PDPR: variants seen among roughly 807,000 people sequenced by gnomAD.
PDPR encodes the protein pyruvate dehydrogenase phosphatase regulatory subunit, mitochondrial.
PDPR carries 50 observed loss-of-function variants against 102.2 expected under a neutral mutation model. That is an observed-to-expected ratio of 0.49 (90% CI 0.39 to 0.62). The LOEUF (loss-of-function observed/expected upper bound fraction) is 0.62, where lower values mean the gene tolerates loss of function less well. Ranked by LOEUF, PDPR falls within the 20% of genes least tolerant of loss-of-function variation. The pLI, the probability that PDPR is intolerant of heterozygous loss-of-function variation, is 0.00. For missense variants in PDPR, 625 were observed against 1,098.2 expected, an observed-to-expected ratio of 0.57 and a Z score of 6.09; for synonymous variants, 259 against 406.0, an observed-to-expected ratio of 0.64 and a Z score of 4.35.
chr16:70,130,265 GCGACAA>G (rs1964403763), intron 6 of PDPR, among the ~76,000 whole-genome samples, 152 bp from the exon 7 acceptor site: 1 of 152,262 alleles, frequency 6.6e-6, no homozygotes, highest in African/African-American at 2.4e-5. Context: ...TCCACCCTTG[GCGACAA>G]AGCAAGACTC....
chr16:70,128,552 C>G (rs1238672540), intron 4 of PDPR, among the ~76,000 whole-genome samples: 2 of 152,242 alleles, frequency 1.3e-5, no homozygotes, highest in African/African-American at 4.8e-5. Context: ...ATCCTCACAA[C>G]CTCACAAAAC....
At chr16:70,115,217 G>C (rs1009605707) in intron 2 of PDPR, among the ~76,000 whole-genome samples, 1 of 152,022 alleles carries the variant, frequency 6.6e-6, no homozygotes, top group Non-Finnish European at 1.5e-5. Flanking sequence ...TCTGCCTCCT[G>C]GGTTCAAGCA....
rs137944090 is a variant in PDPR, at chr16:70,148,651, C to T, written c.2052+98C>T. The T allele has an allele frequency of 5.2e-4, 596 of 1,144,936 alleles. 1 individual carries two copies. Among genetic ancestry groups the T allele is most frequent in the African/African-American group, 5.2e-3 (332 of 64,446 alleles). The allele number at this position is 1,144,936 out of a possible 1,614,324, so 70.9% of individuals were successfully genotyped here. A position where few individuals can be genotyped will look rare whatever the true frequency, so the allele number is the denominator to read the frequency against. ...TGTGGGGTGCCAGTGCTCCCAGCAG[C>T]GCGTTCACCAGCACTGGCAGGTTTG... On this transcript the variant is annotated intron_variant, in intron 17 of 18. Transcript: ENST00000288050.
chr16:70,146,336 T>C, intron 16 of PDPR, 108 bp downstream of exon 16: 1 of 1,563,608 alleles, frequency 6.4e-7, no homozygotes, highest in Non-Finnish European at 8.7e-7. Context: ...AAGAGTGTCT[T>C]GGCTGGGTGA....
At chr16:70,118,399 G>A (rs957296583) in intron 2 of PDPR, among the ~76,000 whole-genome samples, 30 of 152,374 alleles carry the variant, frequency 2.0e-4, no homozygotes, top group African/African-American at 6.3e-4. Flanking sequence ...CTCTGAACCT[G>A]AATACAGACA....
At chr16:70,124,712 C>T (rs1168618242) in intron 3 of PDPR, among the ~76,000 whole-genome samples, 2 of 152,246 alleles carry the variant, frequency 1.3e-5, no homozygotes, top group Non-Finnish European at 2.9e-5. Flanking sequence ...GACCACCAGC[C>T]AGTTAATGGA....
At chr16:70,120,346 A>G (rs1043305065) in intron 2 of PDPR, 115 bp from the exon 3 acceptor site, 16 of 657,976 alleles carry the variant, frequency 2.4e-5, no homozygotes, top group South Asian at 5.6e-5. Context: ...CACCATGCCC[A>G]GCCACCCTCA....
chr16:70,118,408 C>T (rs1248949617), intron 2 of PDPR, among the ~76,000 whole-genome samples: 1 of 152,220 alleles, frequency 6.6e-6, no homozygotes, highest in Non-Finnish European at 1.5e-5. Context: ...TGAATACAGA[C>T]AGAGGTCTGC....
At chr16:70,148,375 G>T in intron 16 of PDPR, 89 bp from the exon 17 acceptor site, 2 of 923,312 alleles carry the variant, frequency 2.2e-6, no homozygotes, top group Non-Finnish European at 1.7e-6. Context: ...TAAACAGAGG[G>T]TGCAGCACTA....
rs1034348107 is a variant in PDPR, at chr16:70,158,646, A to G, written c.*1767A>G. The G allele has an allele frequency of 3.3e-5, 5 of 152,822 alleles. No individual in the cohort carries two copies. Among genetic ancestry groups the G allele is most frequent in the Non-Finnish European group, 7.3e-5 (5 of 68,390 alleles). 9.5% of individuals were successfully genotyped at this position (152,822 alleles called of 1,614,324 possible). The stretch of plus-strand genomic sequence containing the variant: ...GGGGTCTAGTTGTCTTGGAGCAAGT[A>G]TGTACTTAACTAGCCGAGAGATGCT... On this transcript the variant is annotated 3_prime_UTR_variant, in exon 19 of 19. Coordinates refer to ENST00000288050, the MANE Select transcript of PDPR (RefSeq NM_017990.5).
intron 17 of PDPR, among the ~76,000 whole-genome samples, chr16:70,150,133 C>G: frequency 8.0e-6 from 1 of 125,774 alleles, no homozygotes; most frequent in African/African-American, 3.0e-5. Flanking sequence ...GATGAAGTCT[C>G]ACACTTGTCC....
At chr16:70,122,854 T>TACACACACACATACAC (rs1963476484) in intron 3 of PDPR, among the ~76,000 whole-genome samples, 1 of 145,614 alleles carries the variant, frequency 6.9e-6, no homozygotes, top group Non-Finnish European at 1.5e-5. Context: ...TATACACACA[T>TACACACACACATACAC]ACACACACAC....
At chr16:70,156,291 T>C in intron 18 of PDPR, 184 bp from the exon 19 acceptor site, 1 of 705,406 alleles carries the variant, frequency 1.4e-6, no homozygotes. Flanking sequence ...GCGGCGTCTT[T>C]TATATTTCAC....
chr16:70,135,475 G>T (rs1965030096), intron 9 of PDPR, among the ~76,000 whole-genome samples: 1 of 152,262 alleles, frequency 6.6e-6, no homozygotes, highest in Non-Finnish European at 1.5e-5. Flanking sequence ...GACCTCAGGT[G>T]ATCCGCCCAC....
intron 18 of PDPR, among the ~76,000 whole-genome samples, chr16:70,154,476 G>C (rs1453098009): frequency 1.3e-5 from 2 of 152,268 alleles, no homozygotes; most frequent in Non-Finnish European, 2.9e-5. Context: ...AATTACAATT[G>C]AAAAACAAAC....
At chr16:70,135,772 A>T (rs1407636327) in intron 9 of PDPR, among the ~76,000 whole-genome samples, 1 of 152,254 alleles carries the variant, frequency 6.6e-6, no homozygotes, top group East Asian at 1.9e-4. Flanking sequence ...CTCGTCTTTA[A>T]AAAAATCTCT....
intron 17 of PDPR, 92 bp downstream of exon 17, chr16:70,148,645 C>T (rs1201983933): frequency 1.2e-5 from 14 of 1,216,362 alleles, no homozygotes; most frequent in Admixed American, 5.9e-5. Context: ...CCAGTGCTCC[C>T]AGCAGCGCGT....
intron 3 of PDPR, among the ~76,000 whole-genome samples, chr16:70,124,954 G>A (rs560294929): frequency 2.0e-5 from 3 of 152,370 alleles, no homozygotes; most frequent in Non-Finnish European, 2.9e-5. Context: ...TGCAAAACTG[G>A]GTCTTTGGGC....
intron 15 of PDPR, 155 bp from the exon 16 acceptor site, chr16:70,145,979 C>G: frequency 1.5e-6 from 1 of 663,416 alleles, no homozygotes; most frequent in Non-Finnish European, 2.6e-6. Flanking sequence ...AATCGGGGTG[C>G]TTAGCATCCA....
Sources: gnomAD v4.1 joint callset for allele counts (sites outside exome capture counted in the v4.1 genomes callset) on GRCh38, gnomAD v4.1.1 for gene constraint, MANE v1.5 for transcripts, NCBI Gene and HGNC (gene_info 2026-07-23, HGNC 2026-07-21) for gene names.